Variants in NKX3-2 observed in about 807,000 individuals in gnomAD.
NKX3-2 encodes the protein NK3 homeobox 2, also known as homeobox protein Nkx-3.2.
NKX3-2 carries 13 observed loss-of-function variants against 19.4 expected under a neutral mutation model. That is an observed-to-expected ratio of 0.67 (90% CI 0.44 to 1.07). The LOEUF (loss-of-function observed/expected upper bound fraction) is 1.07, where lower values mean the gene tolerates loss of function less well. Among genes scored for constraint, NKX3-2 ranks in the 50% least tolerant of loss-of-function variants. The probability of loss-of-function intolerance (pLI) is 0.00; values close to 1 mark genes in which losing one functional copy is unlikely to be tolerated. For synonymous variants in NKX3-2, 269 were observed against 230.5 expected (o/e 1.17, Z -1.51); for missense variants, 562 against 488.2 (o/e 1.15, Z -1.42).
chr4:13,542,077 TGGC>T lies in NKX3-2; in HGVS notation c.915_917del (p.Pro306del). On this transcript the variant is annotated inframe_deletion, in exon 2 of 2. Transcript: ENST00000382438. This position sits in a 1 kb window ranked among gnomAD's most constrained non-coding sequence, Gnocchi z 6.4. ...ACGGGTAATAGTAGGAGGGCTGCAG[TGGC>T]AGAAGCGAGGGTGGCCGCAGCACTT... The T allele has an allele frequency of 1.2e-6, 2 of 1,607,290 alleles. No homozygotes were observed. The highest frequency in any genetic ancestry group is 1.7e-6 in the Non-Finnish European group (2 of 1,175,632).
chr4:13,546,597 A>T (rs1218909470), upstream of NKX3-2: 1 of 290,810 alleles, frequency 3.4e-6, no homozygotes, highest in African/African-American at 2.2e-5. Flanking sequence ...ACGGGCAGGT[A>T]TGGGTTTGGT....
Position 13,542,457 on chromosome 4 carries a change from C to A in NKX3-2, c.538G>T (p.Gly180Trp), listed in dbSNP as rs1418713452. The A allele has an allele frequency of 1.3e-6, 2 of 1,590,788 alleles. No homozygotes were observed. Among genetic ancestry groups the A allele is most frequent in the Non-Finnish European group, 8.5e-7 (1 of 1,176,580 alleles). Residue 180 changes from glycine (G) to tryptophan (W), a missense_variant, in exon 2 of 2, where the codon GGG (glycine) becomes TGG (tryptophan). Transcript: ENST00000382438. The surrounding 1 kb of genome is among the most constrained non-coding windows in gnomAD (Gnocchi z 6.4). Reference sequence around the variant, plus strand: ...CCGCTGCCGCCCCCGCCGCCGGCCCCGCTGCACAGCGCGGACACGTGTGCA... The same window carrying A: ...CCGCTGCCGCCCCCGCCGCCGGCCCAGCTGCACAGCGCGGACACGTGTGCA... ...RGAHVSALCS[G>W]AGGGGGSGPA...
chr4:13,542,470 G>C lies in NKX3-2; in HGVS notation c.525C>G (p.Ser175=), dbSNP rs751517920. The C allele has an allele frequency of 3.8e-6, 6 of 1,595,770 alleles. No individual in the cohort carries two copies. The highest frequency in any genetic ancestry group is 5.1e-6 in the Non-Finnish European group (6 of 1,179,162). The change falls in exon 2 of 2, where the codon TCC becomes TCG. Residue 175 remains serine (S), a synonymous_variant. Transcript: ENST00000382438. The surrounding 1 kb of genome is among the most constrained non-coding windows in gnomAD (Gnocchi z 6.4). ...DGVGPRGAHV[S]ALCSGAGGGG... ...CGCCGCCGGCCCCGCTGCACAGCGC[G>C]GACACGTGTGCACCTCTGGGGCCAA...
chr4:13,544,634 CT>C, upstream of NKX3-2: 1 of 310,418 alleles, frequency 3.2e-6, no homozygotes, highest in Non-Finnish European at 5.8e-6. Context: ...CGGAGACCCC[CT>C]CCCCCCGAAT....
Position 13,541,670 on chromosome 4 carries a change from C to G in NKX3-2, c.*323G>C, listed in dbSNP as rs776949254. On this transcript the variant is annotated 3_prime_UTR_variant, in exon 2 of 2. Transcript: ENST00000382438. ...AGGAGTTGCCGCTCAGGGAAAACCC[C>G]ACCCCCAGGCAGACATATTCGAATC... is the stretch of plus-strand genomic sequence containing the variant. 1.9e-5 allele frequency: 6 copies of G among 309,644 alleles called. No individual in the cohort carries two copies. The highest frequency in any genetic ancestry group is 4.6e-5 in the Admixed American group (1 of 21,692). The allele number at this position is 309,644 out of a possible 1,614,324, so 19.2% of individuals were successfully genotyped here. A position where few individuals can be genotyped will look rare whatever the true frequency, so the allele number is the denominator to read the frequency against.
rs1207499927 is a variant in NKX3-2, at chr4:13,544,372, G to A, written c.43C>T (p.Gln15Ter). 1.9e-6 allele frequency: 3 copies of A among 1,551,144 alleles called. No homozygotes were observed. The African/African-American group carries it at 4.2e-5, about 22-fold the overall frequency. ...TCCTCTTTCTTGTTGAGGATCGCCTGGATGGAGAAGGACGTCAAGGTGTTG... is the reference window on the plus strand; with the variant it reads ...TCCTCTTTCTTGTTGAGGATCGCCTAGATGGAGAAGGACGTCAAGGTGTTG... ...GANTLTSFSI[Q>*]AILNKKEERG... Residue 15 changes from glutamine (Q) to a stop codon, truncating the protein, a stop_gained, in exon 1 of 2, where the codon CAG becomes TAG. Coordinates refer to ENST00000382438, the MANE Select transcript of NKX3-2 (RefSeq NM_001189.4). LOFTEE classifies it high-confidence loss of function.
chr4:13,542,532 C>A lies in NKX3-2; in HGVS notation c.467-4G>T, dbSNP rs1005109418. The A allele has an allele frequency of 6.9e-6, 11 of 1,596,238 alleles. No homozygotes were observed. In the African/African-American group the frequency reaches 1.2e-4, roughly 17 times the overall value. On this transcript the variant is annotated splice_polypyrimidine_tract_variant and splice_region_variant and intron_variant, in intron 1 of 1. Transcript: ENST00000382438. This position sits in a 1 kb window ranked among gnomAD's most constrained non-coding sequence, Gnocchi z 6.4. ...TCGGTCCTTGGGCTGCGGTCGCCTGCGGACCCCGGTGGGAACAGAAACAAG... is the reference window on the plus strand; with the variant it reads ...TCGGTCCTTGGGCTGCGGTCGCCTGAGGACCCCGGTGGGAACAGAAACAAG...
At position 13,543,813 on chromosome 4, in the gene NKX3-2, G is replaced by A; in HGVS notation, c.466+136C>T. On this transcript the variant is annotated intron_variant, in intron 1 of 1. Coordinates refer to ENST00000382438, the MANE Select transcript of NKX3-2 (RefSeq NM_001189.4). The surrounding 1 kb of genome is among the most constrained non-coding windows in gnomAD (Gnocchi z 7.1). ...AAGTGATAGAGCAGCTCGCGCCAGA[G>A]CGCAGAACTTCGGGATTTGGCCAGC... 1.3e-6 allele frequency: 1 copy of A among 793,146 alleles called. No homozygotes were observed. Among genetic ancestry groups the A allele is most frequent in the Non-Finnish European group, 1.9e-6 (1 of 527,750 alleles). 49.1% of individuals were successfully genotyped at this position (793,146 alleles called of 1,614,324 possible). A position where few individuals can be genotyped will look rare whatever the true frequency, so the allele number is the denominator to read the frequency against.
At position 13,542,959 on chromosome 4, in the gene NKX3-2, G is replaced by A. The variant is rs1257734895; in HGVS notation, c.467-431C>T. Among the ~76,000 whole-genome samples the A allele has an allele frequency of 6.6e-6, 1 of 151,916 alleles. No individual in the cohort carries two copies. Among genetic ancestry groups the A allele is most frequent in the Non-Finnish European group, 1.5e-5 (1 of 67,994 alleles). ...ACTTAGTTCACACGCACACACGCGC[G>A]CGTCCTCGCAGCACACACTTGTCTG... On this transcript the variant is annotated intron_variant, in intron 1 of 1. Transcript: ENST00000382438. The surrounding 1 kb of genome is among the most constrained non-coding windows in gnomAD (Gnocchi z 6.4).
In NKX3-2 at chr4:13,542,481, C is replaced by T. The variant is rs528413999; in HGVS notation, c.514G>A (p.Ala172Thr). Residue 172 changes from alanine (A) to threonine (T), a missense_variant, in exon 2 of 2, where the codon GCA (alanine) becomes ACA (threonine). Ala to Thr is a moderately conservative substitution (Grantham distance 58). Transcript: ENST00000382438. This position sits in a 1 kb window ranked among gnomAD's most constrained non-coding sequence, Gnocchi z 6.4. The part of the protein sequence containing the change: ...TEDDGVGPRG[A>T]HVSALCSGAG... ...CCGCTGCACAGCGCGGACACGTGTG[C>T]ACCTCTGGGGCCAACACCGTCGTCC... 276 of 1,596,528 alleles carry T rather than the reference C, an allele frequency of 1.7e-4. 1 individual carries two copies. In the South Asian group the frequency reaches 2.8e-3, roughly 16 times the overall value.
rs1439794000 is a variant in NKX3-2, at chr4:13,542,030, G to C, written c.965C>G (p.Ala322Gly). 1.1e-5 allele frequency: 18 copies of C among 1,598,224 alleles called. No individual in the cohort carries two copies. Among genetic ancestry groups the C allele is most frequent in the Non-Finnish European group, 1.5e-5 (18 of 1,173,012 alleles). The change falls in exon 2 of 2, where the codon GCG becomes GGG. Residue 322 changes from alanine to glycine, a missense_variant. Physicochemically the swap from Ala to Gly is moderately conservative, Grantham distance 60. Coordinates refer to ENST00000382438, the MANE Select transcript of NKX3-2 (RefSeq NM_001189.4). The surrounding 1 kb of genome is among the most constrained non-coding windows in gnomAD (Gnocchi z 6.4). The stretch of plus-strand genomic sequence containing the variant: ...TGCGGCAGCTGCGCAGGTGGAGAGC[G>C]CCCAGCCTGGGAGGCAGTAGTACGG... ...YYPYYCLPGW[A>G]LSTCAAAAGT...
upstream of NKX3-2, chr4:13,547,250 C>T (rs772361055): frequency 2.2e-6 from 1 of 456,282 alleles, no homozygotes; most frequent in South Asian, 1.5e-5. Context: ...AGCAGGCCTG[C>T]GCCTGTCGGA....
At chr4:13,547,464 G>C (rs960801640), upstream of NKX3-2, 3 of 289,156 alleles carry the variant, frequency 1.0e-5, no homozygotes, top group Admixed American at 5.1e-5. Context: ...GAGAGGCACC[G>C]GGCTCGCTCA....
chr4:13,547,518 G>C (rs112649906), upstream of NKX3-2: 491 of 229,626 alleles, frequency 2.1e-3, 1 homozygote, highest in Middle Eastern at 0.023. Flanking sequence ...CCGCGCCCAC[G>C]GGCCCATTTT....
Position 13,542,019 on chromosome 4 carries a change from A to G in NKX3-2, c.976T>C (p.Cys326Arg), listed in dbSNP as rs745591234. The G allele has an allele frequency of 1.3e-6, 2 of 1,594,880 alleles. No homozygotes were observed. Among genetic ancestry groups the G allele is most frequent in the Non-Finnish European group, 1.7e-6 (2 of 1,171,492 alleles). ...YCLPGWALST[C>R]AAAAGTQ ...CACTGGGTGCCTGCGGCAGCTGCGCAGGTGGAGAGCGCCCAGCCTGGGAGG... is the reference window on the plus strand; with the variant it reads ...CACTGGGTGCCTGCGGCAGCTGCGCGGGTGGAGAGCGCCCAGCCTGGGAGG... The change falls in exon 2 of 2, where the codon TGC becomes CGC. Residue 326 changes from cysteine (C) to arginine (R), a missense_variant. Cys to Arg is a radical substitution (Grantham distance 180). Transcript: ENST00000382438. The surrounding 1 kb of genome is among the most constrained non-coding windows in gnomAD (Gnocchi z 6.4).
rs746830476 is a variant in NKX3-2 at position 13,542,183 on chromosome 4, A to G, written c.812T>C (p.Leu271Pro). ...CTTCTTGGCGGCGGGCGCCGAGGCC[A>G]GCAGGTCGGCTGCCATCTGCCGGCG... Reference protein sequence around the residue: ...TKRRQMAADLLASAPAAKKVA... With the variant: ...TKRRQMAADLPASAPAAKKVA... Residue 271 changes from leucine to proline, a missense_variant, in exon 2 of 2, where the codon CTG (leucine) becomes CCG (proline). Leu to Pro is a moderately conservative substitution (Grantham distance 98, BLOSUM62 -3). Coordinates refer to ENST00000382438, the MANE Select transcript of NKX3-2 (RefSeq NM_001189.4). The surrounding 1 kb of genome is among the most constrained non-coding windows in gnomAD (Gnocchi z 6.4). 2 of 1,608,698 alleles carry G rather than the reference A, an allele frequency of 1.2e-6. No individual in the cohort carries two copies. The highest frequency in any genetic ancestry group is 1.7e-6 in the Non-Finnish European group (2 of 1,177,976).
Position 13,541,767 on chromosome 4 carries a change from C to A in NKX3-2, c.*226G>T, listed in dbSNP as rs1161473487. ...CTTCCAGGCAGGTGGGCGATCAGGG[C>A]CCCTAGGCCATAGGGTGCCTCTGTT... is the stretch of plus-strand genomic sequence containing the variant. On this transcript the variant is annotated 3_prime_UTR_variant, in exon 2 of 2. Transcript: ENST00000382438. 3 of 557,602 alleles carry A rather than the reference C, an allele frequency of 5.4e-6. No individual in the cohort carries two copies. Among genetic ancestry groups the A allele is most frequent in the Non-Finnish European group, 9.3e-6 (3 of 323,764 alleles). The allele number at this position is 557,602 out of a possible 1,614,324, so 34.5% of individuals were successfully genotyped here.
chr4:13,544,282 C>T lies in NKX3-2; in HGVS notation c.133G>A (p.Ala45Thr), dbSNP rs568999172. Reference sequence around the variant, plus strand: ...CGCCAACAGCAGACAGCGGGAGCCGCGGCCACCGATGCCGCTGTGCCCCCG... The same window carrying T: ...CGCCAACAGCAGACAGCGGGAGCCGTGGCCACCGATGCCGCTGTGCCCCCG... ...APGGTAASVA[A>T]APAVCCWRLF... Residue 45 changes from alanine (A) to threonine (T), a missense_variant, in exon 1 of 2, where the codon GCG becomes ACG. Ala to Thr is a moderately conservative substitution (Grantham distance 58). Coordinates refer to ENST00000382438, the MANE Select transcript of NKX3-2 (RefSeq NM_001189.4). The T allele has an allele frequency of 2.3e-5, 35 of 1,546,920 alleles. No individual in the cohort carries two copies. In the African/African-American group the frequency reaches 4.6e-4, roughly 20 times the overall value.
chr4:13,542,131 G>A lies in NKX3-2; in HGVS notation c.864C>T (p.Asp288=), dbSNP rs1560164849. 4 of 1,611,470 alleles carry A rather than the reference G, an allele frequency of 2.5e-6. No individual in the cohort carries two copies. The highest frequency in any genetic ancestry group is 2.5e-6 in the Non-Finnish European group (3 of 1,178,442). ...KKVAVKVLVR[D]DQRQYLPGEV... is the part of the protein sequence containing the mutation. ...CGCCGGGCAGGTATTGTCTCTGGTCGTCGCGCACCAGCACCTTTACGGCCA... is the reference window on the plus strand; with the variant it reads ...CGCCGGGCAGGTATTGTCTCTGGTCATCGCGCACCAGCACCTTTACGGCCA... The change falls in exon 2 of 2, where the codon GAC becomes GAT. Residue 288 remains aspartate (D), a synonymous_variant. Coordinates refer to ENST00000382438, the MANE Select transcript of NKX3-2 (RefSeq NM_001189.4). This position sits in a 1 kb window ranked among gnomAD's most constrained non-coding sequence, Gnocchi z 6.4.
Sources: gnomAD v4.1 joint callset for allele counts (sites outside exome capture counted in the v4.1 genomes callset) on GRCh38, gnomAD v4.1.1 for gene constraint, Gnocchi (gnomAD v3.1) non-coding constraint, MANE v1.5 for transcripts, NCBI Gene and HGNC (gene_info 2026-07-23, HGNC 2026-07-21) for gene names.